RMST: variants seen among roughly 807,000 people sequenced by gnomAD.
RMST encodes the protein long intergenic non-protein coding RNA 54.
chr12:97,528,149 AC>A (rs1254270024), intron 10 of RMST, among the ~76,000 whole-genome samples: 1 of 152,112 alleles, frequency 6.6e-6, no homozygotes, highest in Non-Finnish European at 1.5e-5. Context: ...ATTAAAGCAA[AC>A]TTTTGTAAAA....
intron 10 of RMST, among the ~76,000 whole-genome samples, chr12:97,526,254 G>C (rs920987612): frequency 2.6e-5 from 4 of 152,002 alleles, no homozygotes; most frequent in African/African-American, 7.2e-5. Flanking sequence ...AAAAATGTTG[G>C]AGACAGCTAT....
chr12:97,462,888 GAC>G (rs1470214930), intron 3 of RMST: 1 of 152,270 alleles, frequency 6.6e-6, no homozygotes, highest in Non-Finnish European at 1.5e-5. Flanking sequence ...AATCCCCAAT[GAC>G]AGTCCCACTT....
At chr12:97,475,257 T>C (rs1278857155) in intron 5 of RMST, among the ~76,000 whole-genome samples, 2 of 152,142 alleles carry the variant, frequency 1.3e-5, no homozygotes, top group African/African-American at 4.8e-5. Flanking sequence ...TTTGAGGGCA[T>C]TGGAAGGCTT....
At chr12:97,521,341 TTGAGAGAGTTA>T (rs977303363) in intron 10 of RMST, among the ~76,000 whole-genome samples, 4 of 152,284 alleles carry the variant, frequency 2.6e-5, no homozygotes, top group Admixed American at 6.5e-5. Flanking sequence ...CCAAAAGCCC[TTGAGAGAGTTA>T]TGAAAAAGTC....
intron 5 of RMST, among the ~76,000 whole-genome samples, chr12:97,466,909 G>A (rs890080260): frequency 8.6e-5 from 13 of 151,994 alleles, no homozygotes; most frequent in South Asian, 2.1e-4. Context: ...TCCAGATTGC[G>A]CCTACTTTAA....
At chr12:97,542,861 T>C (rs1432363121) in intron 11 of RMST, among the ~76,000 whole-genome samples, 1 of 151,984 alleles carries the variant, frequency 6.6e-6, no homozygotes, top group Non-Finnish European at 1.5e-5. Context: ...TGCAGTGGAA[T>C]GTCTTTTATG....
chr12:97,516,760 T>C (rs780750021), intron 10 of RMST, among the ~76,000 whole-genome samples: 1 of 151,938 alleles, frequency 6.6e-6, no homozygotes, highest in Admixed American at 6.6e-5. Flanking sequence ...TAGAAATTGC[T>C]ATATAGGCTA....
chr12:97,498,467 A>G (rs1877709199), intron 10 of RMST, among the ~76,000 whole-genome samples: 1 of 152,146 alleles, frequency 6.6e-6, no homozygotes, highest in Admixed American at 6.5e-5. Context: ...AAACAGGATA[A>G]TGAGTATAAA....
intron 10 of RMST, among the ~76,000 whole-genome samples, chr12:97,514,382 T>A (rs976692872): frequency 7.2e-5 from 11 of 152,210 alleles, no homozygotes; most frequent in African/African-American, 2.7e-4. Context: ...GTCAACCATG[T>A]TCAAGAAATG....
intron 10 of RMST, among the ~76,000 whole-genome samples, chr12:97,517,339 TAA>T (rs1228377272): frequency 6.6e-6 from 1 of 152,014 alleles, no homozygotes; most frequent in South Asian, 2.1e-4. Flanking sequence ...AAATATTATA[TAA>T]GTTAAAATTT....
chr12:97,483,652 T>C (rs10777872), intron 5 of RMST, among the ~76,000 whole-genome samples: 125,189 of 152,098 alleles, frequency 0.82, 51,840 homozygotes, highest in Middle Eastern at 0.92. Context: ...ATATCTCCTT[T>C]GTTTCTTTAA....
At chr12:97,554,780 A>G (rs1250126457) in intron 11 of RMST, among the ~76,000 whole-genome samples, 2 of 152,156 alleles carry the variant, frequency 1.3e-5, no homozygotes, top group Non-Finnish European at 2.9e-5. Context: ...TGCTGGTAGT[A>G]GTGATTATGG....
chr12:97,557,407 G>A (rs1009200988), intron 11 of RMST, among the ~76,000 whole-genome samples: 5 of 152,002 alleles, frequency 3.3e-5, no homozygotes, highest in Non-Finnish European at 7.4e-5. Context: ...ACTTAAAATC[G>A]GGATTGGAAG....
At chr12:97,553,048 G>C (rs545157195) in intron 11 of RMST, among the ~76,000 whole-genome samples, 1 of 152,170 alleles carries the variant, frequency 6.6e-6, no homozygotes. Flanking sequence ...ACTATTGCTG[G>C]GGATACATTT....
At chr12:97,499,051 G>A (rs752256700) in intron 10 of RMST, among the ~76,000 whole-genome samples, 4 of 152,136 alleles carry the variant, frequency 2.6e-5, no homozygotes, top group Non-Finnish European at 4.4e-5. Flanking sequence ...TGTCTATGGG[G>A]TTTGTCTGAC....
chr12:97,527,773 T>C (rs188875979), intron 10 of RMST, among the ~76,000 whole-genome samples: 2 of 152,138 alleles, frequency 1.3e-5, no homozygotes, highest in African/African-American at 2.4e-5. Context: ...GCTGTTACTA[T>C]TTTATAAATC....
At chr12:97,488,392 C>T (rs1481368976) in intron 5 of RMST, among the ~76,000 whole-genome samples, 2 of 152,298 alleles carry the variant, frequency 1.3e-5, no homozygotes, top group South Asian at 4.1e-4. Flanking sequence ...TCAGTCTACT[C>T]TCTTTGTCCC....
At chr12:97,530,073 C>A (rs1193621518) in intron 10 of RMST, among the ~76,000 whole-genome samples, 1 of 152,028 alleles carries the variant, frequency 6.6e-6, no homozygotes, top group Non-Finnish European at 1.5e-5. Context: ...TGTCAGAATA[C>A]TGATTCCACA....
intron 11 of RMST, among the ~76,000 whole-genome samples, chr12:97,540,745 G>A (rs970756226): frequency 2.0e-5 from 3 of 151,526 alleles, no homozygotes; most frequent in East Asian, 3.9e-4. Context: ...AATGCCTAAC[G>A]TCAAGTTTAT....
Sources: allele counts gnomAD v4.1 joint callset (sites outside exome capture counted in the v4.1 genomes callset), GRCh38; gene constraint gnomAD v4.1.1; transcripts MANE v1.5; gene names NCBI Gene and HGNC (gene_info 2026-07-23, HGNC 2026-07-21).